The following UQCRH variants were observed in gnomAD, a reference collection of about 807,000 sequenced individuals.
UQCRH encodes cytochrome b-c1 complex subunit 6, mitochondrial.
In UQCRH, 14 loss-of-function variants were observed where a neutral mutation model predicts 16.3. The ratio of observed to expected loss-of-function variants is 0.86; its 90% CI spans 0.57 to 1.34. UQCRH has a LOEUF of 1.34. UQCRH is among the 40% of genes most tolerant of loss of function. UQCRH has a pLI of 0.00. For synonymous variants in UQCRH, 41 were observed against 41.9 expected (o/e 0.98, Z 0.08); for missense variants, 89 against 111.9 (o/e 0.80, Z 0.92).
At chr1:46,310,705 C>G (rs1661453578) in intron 3 of UQCRH, among the ~76,000 whole-genome samples, 1 of 152,300 alleles carries the variant, frequency 6.6e-6, no homozygotes, top group Admixed American at 6.5e-5. Context: ...TGGGCTCAAG[C>G]AATCCTTCCT....
intron 3 of UQCRH, among the ~76,000 whole-genome samples, chr1:46,310,882 A>C (rs1017137237): frequency 5.3e-5 from 8 of 151,858 alleles, no homozygotes; most frequent in Admixed American, 3.3e-4. Flanking sequence ...CCTGGCTAAC[A>C]AGGTGAAACC....
intron 2 of UQCRH, 49 bp downstream of exon 2, chr1:46,309,176 A>C: frequency 6.3e-7 from 1 of 1,590,524 alleles, no homozygotes; most frequent in Non-Finnish European, 8.5e-7. Flanking sequence ...GCAGGGTTTG[A>C]GCTTCATGAA....
intron 3 of UQCRH, among the ~76,000 whole-genome samples, chr1:46,311,449 C>T (rs899095105): frequency 1.4e-5 from 2 of 145,992 alleles, no homozygotes; most frequent in Non-Finnish European, 3.0e-5. Context: ...TGGTGGCGGG[C>T]GCCTGTAGCC....
At chr1:46,311,277 A>T (rs1355658941) in intron 3 of UQCRH, among the ~76,000 whole-genome samples, 2 of 149,882 alleles carry the variant, frequency 1.3e-5, no homozygotes, top group African/African-American at 4.9e-5. Context: ...AATAATTTGT[A>T]TTGGCCGGGC....
intron 3 of UQCRH, among the ~76,000 whole-genome samples, chr1:46,313,646 T>TAGAC (rs1336721340): frequency 2.4e-5 from 3 of 125,696 alleles, no homozygotes; most frequent in East Asian, 2.2e-4. Context: ...TATAGACAGA[T>TAGAC]AGATAGATAG....
intron 3 of UQCRH, among the ~76,000 whole-genome samples, chr1:46,315,753 C>T (rs1032401339): frequency 3.2e-4 from 48 of 152,114 alleles, no homozygotes; most frequent in African/African-American, 9.9e-4. Flanking sequence ...GGGGAAAAAG[C>T]CAGTCACAAA....
intron 3 of UQCRH, among the ~76,000 whole-genome samples, chr1:46,312,844 C>T (rs1046997631): frequency 5.3e-5 from 8 of 151,962 alleles, no homozygotes; most frequent in Admixed American, 2.0e-4. Context: ...GGCCAGTAAA[C>T]GTATGAAAAG....
chr1:46,309,019 T>C (rs1661422033), intron 1 of UQCRH, 82 bp from the exon 2 acceptor site: 4 of 1,449,674 alleles, frequency 2.8e-6, no homozygotes, highest in Non-Finnish European at 9.6e-7. Context: ...TCAGTGTCTA[T>C]CGTCAGTAAT....
rs1038647960 is a variant in UQCRH at position 46,316,752 on chromosome 1, A to T, written c.*168A>T. The T allele has an allele frequency of 1.8e-5, 17 of 939,080 alleles. No individual in the cohort carries two copies. The highest frequency in any genetic ancestry group is 7.5e-5 in the Admixed American group (2 of 26,830). 58.2% of individuals were successfully genotyped at this position (939,080 alleles called of 1,614,324 possible). ...TATGTAATTCGCAATGATTCCATCT[A>T]AATAAAAGTTCTATGATCTGCAAAC... On this transcript the variant is annotated 3_prime_UTR_variant, in exon 4 of 4. Transcript: ENST00000311672.
At chr1:46,315,701 TGCTACAACCTG>T (rs1661571762) in intron 3 of UQCRH, among the ~76,000 whole-genome samples, 1 of 151,696 alleles carries the variant, frequency 6.6e-6, no homozygotes, top group South Asian at 2.1e-4. Flanking sequence ...GTACTGAACA[TGCTACAACCTG>T]GATAAACCTT....
chr1:46,314,238 T>A (rs998277105), intron 3 of UQCRH, among the ~76,000 whole-genome samples: 6 of 151,488 alleles, frequency 4.0e-5, no homozygotes, highest in Non-Finnish European at 8.8e-5. Flanking sequence ...TGGTGGCGGG[T>A]GCTTGTAGAA....
At position 46,316,710 on chromosome 1, in the gene UQCRH, C is replaced by T; in HGVS notation, c.*126C>T. 3.5e-6 allele frequency: 5 copies of T among 1,423,180 alleles called. No homozygotes were observed. Among genetic ancestry groups the T allele is most frequent in the Non-Finnish European group, 4.8e-6 (5 of 1,050,482 alleles). 88.2% of individuals were successfully genotyped at this position (1,423,180 alleles called of 1,614,324 possible). A position where few individuals can be genotyped will look rare whatever the true frequency, so the allele number is the denominator to read the frequency against. ...GTTCACATGAACCTCATGGGTTTGG[C>T]TTAGGCTGGTAGCTTCTATGTAATT... On this transcript the variant is annotated 3_prime_UTR_variant, in exon 4 of 4. Transcript: ENST00000311672.
At chr1:46,312,588 C>T (rs1333355001) in intron 3 of UQCRH, among the ~76,000 whole-genome samples, 1 of 151,764 alleles carries the variant, frequency 6.6e-6, no homozygotes, top group African/African-American at 2.4e-5. Context: ...TCAGGCAGGG[C>T]ATAGTGGCTG....
At position 46,316,562 on chromosome 1, in the gene UQCRH, A is replaced by G. The variant is rs764712595; in HGVS notation, c.254A>G (p.Lys85Arg). The G allele has an allele frequency of 8.7e-6, 14 of 1,613,386 alleles. No homozygotes were observed. The highest frequency in any genetic ancestry group is 2.2e-5 in the East Asian group (1 of 44,874). ...LHARDHCVAH[K>R]LFNNLK Reference sequence around the variant, plus strand: ...CTTTCCCCCATCTAGGTGGCCCACAAACTCTTTAACAACTTGAAATAAATG... The same window carrying G: ...CTTTCCCCCATCTAGGTGGCCCACAGACTCTTTAACAACTTGAAATAAATG... Residue 85 changes from lysine to arginine, a missense_variant, in exon 4 of 4, where the codon AAA becomes AGA. Coordinates refer to ENST00000311672, the MANE Select transcript of UQCRH (RefSeq NM_006004.4).
At chr1:46,309,670 T>TAA (rs764614791) in intron 2 of UQCRH, 55 of 162,100 alleles carry the variant, frequency 3.4e-4, no homozygotes, top group South Asian at 7.3e-4. Context: ...AACTCCGTCT[T>TAA]AAAAAAAAAA....
At chr1:46,315,770 A>C (rs989860193) in intron 3 of UQCRH, among the ~76,000 whole-genome samples, 17 of 152,280 alleles carry the variant, frequency 1.1e-4, no homozygotes, top group African/African-American at 3.9e-4. Flanking sequence ...CAAAGTAAAA[A>C]ATATCGTATG....
rs80323894 is a variant in UQCRH at position 46,308,710 on chromosome 1, G to A, written c.55-391G>A. Among the ~76,000 whole-genome samples, 18 of 152,240 alleles carry A rather than the reference G, an allele frequency of 1.2e-4. No individual in the cohort carries two copies. The East Asian group carries it at 2.9e-3, about 24-fold the overall frequency. On this transcript the variant is annotated intron_variant, in intron 1 of 3. Coordinates refer to ENST00000311672, the MANE Select transcript of UQCRH (RefSeq NM_006004.4). ...TTTTTAAATTAGCCAGGCATGTGGC[G>A]TGTGCTTATAGTCCTAGCTACTCAG...
At chr1:46,304,357 C>T (rs563214558) in intron 1 of UQCRH, among the ~76,000 whole-genome samples, 3 of 151,642 alleles carry the variant, frequency 2.0e-5, no homozygotes, top group South Asian at 4.2e-4. Flanking sequence ...TGACTGCTTG[C>T]TATTCCAAGT....
At chr1:46,305,933 G>A (rs902207416) in intron 1 of UQCRH, among the ~76,000 whole-genome samples, 2 of 151,698 alleles carry the variant, frequency 1.3e-5, no homozygotes, top group Non-Finnish European at 2.9e-5. Flanking sequence ...AGCCTCCTGA[G>A]TAGCTGAAAT....
Sources: allele counts gnomAD v4.1 joint callset (sites outside exome capture counted in the v4.1 genomes callset), GRCh38; gene constraint gnomAD v4.1.1; transcripts MANE v1.5; gene names NCBI Gene and HGNC (gene_info 2026-07-23, HGNC 2026-07-21).